The following LSM7 variants were observed in gnomAD, a reference collection of about 807,000 sequenced individuals.
LSM7 encodes U6 snRNA-associated Sm-like protein LSm7.
In LSM7, 13 loss-of-function variants were observed where a neutral mutation model predicts 14.1. The observed-to-expected ratio is 0.92, with a 90% CI of 0.60 to 1.47. The LOEUF (loss-of-function observed/expected upper bound fraction) is 1.47. Among genes scored for constraint, LSM7 ranks in the 40% most tolerant of loss-of-function variants. The pLI is 0.00. For missense variants in LSM7, 108 were observed against 140.8 expected (o/e 0.77, Z 1.18); for synonymous variants, 70 against 57.1 (o/e 1.23, Z -1.02).
chr19:2,322,881 TA>T (rs1207304248), intron 3 of LSM7, among the ~76,000 whole-genome samples: 1 of 142,386 alleles, frequency 7.0e-6, no homozygotes, highest in Non-Finnish European at 1.5e-5. Context: ...CCTGGCTAAT[TA>T]CATTTTTTTT....
chr19:2,324,063 T>C, intron 3 of LSM7, 62 bp downstream of exon 3: 2 of 315,114 alleles, frequency 6.3e-6, no homozygotes, highest in South Asian at 3.4e-5. Flanking sequence ...CTCGTCCCGC[T>C]GCCCCCCTCA....
intron 2 of LSM7, 141 bp downstream of exon 2, chr19:2,328,246 G>A (rs113860855): frequency 0.073 from 53,486 of 731,388 alleles, 2,799 homozygotes; most frequent in East Asian, 0.22. Context: ...CTCCAGCCCG[G>A]GTGACAGAGC....
chr19:2,327,156 G>A (rs1303730274), intron 2 of LSM7, among the ~76,000 whole-genome samples: 2 of 152,236 alleles, frequency 1.3e-5, no homozygotes, highest in Non-Finnish European at 2.9e-5. Context: ...ATGAAGGGCA[G>A]AAAACAAAGG....
At chr19:2,328,344 G>A (rs749609950) in intron 2 of LSM7, 43 bp downstream of exon 2, 2 of 1,557,028 alleles carry the variant, frequency 1.3e-6, no homozygotes, top group African/African-American at 1.4e-5. Flanking sequence ...GGGTTTATTT[G>A]AAATTTTTAA....
intron 2 of LSM7, among the ~76,000 whole-genome samples, chr19:2,327,776 C>T (rs921799587): frequency 9.9e-5 from 15 of 152,002 alleles, no homozygotes; most frequent in African/African-American, 3.4e-4. Flanking sequence ...TTTGGGTCCC[C>T]GTCTTACAAA....
chr19:2,325,651 C>T (rs939460078), intron 2 of LSM7, among the ~76,000 whole-genome samples: 5 of 76,658 alleles, frequency 6.5e-5, no homozygotes, highest in Non-Finnish European at 1.5e-4. Context: ...CCGCCCTGTG[C>T]GGTGGTGCGG....
intron 2 of LSM7, 144 bp from the exon 3 acceptor site, chr19:2,324,340 G>A (rs1345810386): frequency 1.4e-5 from 9 of 652,526 alleles, no homozygotes; most frequent in Admixed American, 2.3e-5. Context: ...GGGAGTGGCC[G>A]ATGACAGCCG....
chr19:2,322,995 G>A (rs1034398746), intron 3 of LSM7, among the ~76,000 whole-genome samples: 1 of 151,918 alleles, frequency 6.6e-6, no homozygotes, highest in African/African-American at 2.4e-5. Flanking sequence ...TGGGATTACA[G>A]GCATGAGCCA....
At chr19:2,325,391 G>C (rs970326134) in intron 2 of LSM7, among the ~76,000 whole-genome samples, 3 of 144,822 alleles carry the variant, frequency 2.1e-5, no homozygotes, top group African/African-American at 7.4e-5. Context: ...GCGTCCCGCA[G>C]CCACCCCCTC....
At chr19:2,323,914 C>T (rs1338539963) in intron 3 of LSM7, among the ~76,000 whole-genome samples, 2 of 152,180 alleles carry the variant, frequency 1.3e-5, no homozygotes, top group Non-Finnish European at 2.9e-5. Flanking sequence ...TTTGTGAGGA[C>T]GTCTAGGACC....
rs532690594 is a variant in LSM7, at chr19:2,323,537, G to A, written c.169+588C>T. Among the ~76,000 whole-genome samples the A allele has an allele frequency of 1.1e-4, 17 of 152,170 alleles. No homozygotes were observed. The South Asian group carries it at 1.2e-3, about 11-fold the overall frequency. On this transcript the variant is annotated intron_variant, in intron 3 of 3. Transcript: ENST00000252622. ...ACCATCTCGGCTCACTGCAACCTCCGCCTCCCAGGTTCAAGCGATTCTCCT... is the reference window on the plus strand; with the variant it reads ...ACCATCTCGGCTCACTGCAACCTCCACCTCCCAGGTTCAAGCGATTCTCCT...
Position 2,321,838 on chromosome 19 carries a change from TAGAG to T in LSM7, c.170-20_170-17del. On this transcript the variant is annotated splice_polypyrimidine_tract_variant and intron_variant, in intron 3 of 3. Coordinates refer to ENST00000252622, the MANE Select transcript of LSM7 (RefSeq NM_016199.3). The surrounding 1 kb of genome is among the most constrained non-coding windows in gnomAD (Gnocchi z 5.0). ...TCGTCAGGGTCTGGGGAGGAGCAGA[TAGAG>T]AGGACTGAGGGACCTCCAGGAAGCC... is the stretch of plus-strand genomic sequence containing the variant. 7.0e-7 allele frequency: 1 copy of T among 1,430,232 alleles called. No homozygotes were observed. The highest frequency in any genetic ancestry group is 9.2e-7 in the Non-Finnish European group (1 of 1,084,656). 88.6% of individuals were successfully genotyped at this position (1,430,232 alleles called of 1,614,324 possible).
rs746657305 is a variant in LSM7 at position 2,328,358 on chromosome 19, G to A, written c.97+29C>T. On this transcript the variant is annotated intron_variant, in intron 2 of 3. Coordinates refer to ENST00000252622, the MANE Select transcript of LSM7 (RefSeq NM_016199.3). Reference sequence around the variant, plus strand: ...TGGGTTTATTTGAAATTTTTAAAGAGGGGGTACCGACAGCGGGAGCCTCCT... The same window carrying A: ...TGGGTTTATTTGAAATTTTTAAAGAAGGGGTACCGACAGCGGGAGCCTCCT... The A allele has an allele frequency of 5.6e-6, 9 of 1,597,758 alleles. No individual in the cohort carries two copies. In the South Asian group the frequency reaches 8.8e-5, roughly 16 times the overall value.
intron 2 of LSM7, chr19:2,327,857 G>A (rs4806838): frequency 6.5e-6 from 1 of 152,920 alleles, no homozygotes; most frequent in Non-Finnish European, 1.5e-5. Flanking sequence ...TTCCTGCTGA[G>A]AGCTGCCTCA....
intron 3 of LSM7, among the ~76,000 whole-genome samples, chr19:2,323,320 C>T (rs979416492): frequency 6.6e-6 from 1 of 152,132 alleles, no homozygotes; most frequent in Non-Finnish European, 1.5e-5. Context: ...CGCTCACTAC[C>T]CCACAGCAAG....
intron 2 of LSM7, among the ~76,000 whole-genome samples, chr19:2,327,595 T>C (rs192249164): frequency 0.011 from 1,672 of 152,300 alleles, 37 homozygotes; most frequent in African/African-American, 0.038. Context: ...TGGAGTGCAG[T>C]GGTGCGGTCA....
Position 2,321,662 on chromosome 19 carries a change from C to A in LSM7, c.*18G>T, listed in dbSNP as rs200818911. On this transcript the variant is annotated 3_prime_UTR_variant, in exon 4 of 4. Transcript: ENST00000252622. This position sits in a 1 kb window ranked among gnomAD's most constrained non-coding sequence, Gnocchi z 5.0. ...AGCTGCTCGGGCCTGCCCTGCACCC[C>A]CCGCGCCCCCGGCCAGGCTAGGCGT... The A allele has an allele frequency of 1.3e-5, 19 of 1,483,808 alleles. No individual in the cohort carries two copies. Among genetic ancestry groups the A allele is most frequent in the Non-Finnish European group, 1.5e-5 (17 of 1,115,588 alleles). The allele number at this position is 1,483,808 out of a possible 1,614,324, so 91.9% of individuals were successfully genotyped here.
chr19:2,324,532 C>G (rs1967985591), intron 2 of LSM7: 1 of 361,090 alleles, frequency 2.8e-6, no homozygotes, highest in African/African-American at 2.0e-5. Context: ...GCTCTACTCA[C>G]AGGCACTGAA....
chr19:2,322,242 T>A (rs1425587593), intron 3 of LSM7, among the ~76,000 whole-genome samples: 3 of 152,064 alleles, frequency 2.0e-5, no homozygotes, highest in Non-Finnish European at 4.4e-5. Context: ...ATTCACCCTA[T>A]AACAAAGAGG....
Sources: allele counts gnomAD v4.1 joint callset (sites outside exome capture counted in the v4.1 genomes callset), GRCh38; gene constraint gnomAD v4.1.1; non-coding constraint Gnocchi (gnomAD v3.1); transcripts MANE v1.5; gene names NCBI Gene and HGNC (gene_info 2026-07-23, HGNC 2026-07-21).